Variants in CNTNAP5 observed in about 807,000 individuals in gnomAD.
CNTNAP5 encodes contactin-associated protein-like 5.
Under a neutral mutation model 150.2 loss-of-function variants are expected in CNTNAP5, and 72 were observed. That is an observed-to-expected ratio of 0.48 (90% CI 0.40 to 0.58). The LOEUF is 0.58. CNTNAP5 is among the 20% of genes least tolerant of loss of function. CNTNAP5 has a pLI of 0.00. For synonymous variants in CNTNAP5, 672 were observed against 619.8 expected (o/e 1.08, Z -1.25); for missense variants, 1,636 against 1,626.2 (o/e 1.01, Z -0.10).
chr2:124,584,297 T>C (rs1048494802), intron 11 of CNTNAP5, among the ~76,000 whole-genome samples: 1 of 152,162 alleles, frequency 6.6e-6, no homozygotes, highest in African/African-American at 2.4e-5. Flanking sequence ...TGCCTCGGTT[T>C]TCCTGCTGGT....
At chr2:124,622,714 C>G (rs1185917515) in intron 12 of CNTNAP5, among the ~76,000 whole-genome samples, 2 of 152,106 alleles carry the variant, frequency 1.3e-5, no homozygotes, top group Non-Finnish European at 2.9e-5. Flanking sequence ...TCAAAACCCA[C>G]ACACACTCAC....
intron 11 of CNTNAP5, among the ~76,000 whole-genome samples, chr2:124,564,923 G>A (rs1463555363): frequency 6.6e-6 from 1 of 152,266 alleles, no homozygotes; most frequent in Middle Eastern, 3.4e-3. Context: ...CTCTTCTGAG[G>A]ACTCCAGTGA....
At chr2:124,664,021 A>G (rs1316324320) in intron 13 of CNTNAP5, among the ~76,000 whole-genome samples, 1 of 152,154 alleles carries the variant, frequency 6.6e-6, no homozygotes, top group Non-Finnish European at 1.5e-5. Context: ...ACTGGGTCAT[A>G]TTTATTTCTG....
At chr2:124,105,652 T>G (rs1004916591) in intron 1 of CNTNAP5, among the ~76,000 whole-genome samples, 1 of 152,254 alleles carries the variant, frequency 6.6e-6, no homozygotes, top group Admixed American at 6.5e-5. Flanking sequence ...CTAGATATTA[T>G]GCATATTTTT....
chr2:124,296,804 GC>G (rs1688442335), intron 3 of CNTNAP5, among the ~76,000 whole-genome samples: 1 of 152,158 alleles, frequency 6.6e-6, no homozygotes, highest in African/African-American at 2.4e-5. Flanking sequence ...TATCCAATGT[GC>G]AAAAATAGAA....
At chr2:124,686,571 C>T (rs1442033171) in intron 13 of CNTNAP5, among the ~76,000 whole-genome samples, 1 of 152,112 alleles carries the variant, frequency 6.6e-6, no homozygotes, top group Admixed American at 6.6e-5. Flanking sequence ...ACAGTCCTTT[C>T]CCACATGACA....
intron 19 of CNTNAP5, among the ~76,000 whole-genome samples, chr2:124,831,937 A>G (rs1682724764): frequency 6.6e-6 from 1 of 152,100 alleles, no homozygotes. Flanking sequence ...GTGTTTACCT[A>G]AGTAAGAACT....
intron 21 of CNTNAP5, among the ~76,000 whole-genome samples, chr2:124,890,998 A>G (rs1678183142): frequency 6.6e-6 from 1 of 152,126 alleles, no homozygotes; most frequent in South Asian, 2.1e-4. Flanking sequence ...AATGTTCACA[A>G]AAAAAGTATG....
At chr2:124,422,399 C>G (rs993349432) in intron 4 of CNTNAP5, among the ~76,000 whole-genome samples, 1 of 152,184 alleles carries the variant, frequency 6.6e-6, no homozygotes, top group Non-Finnish European at 1.5e-5. Flanking sequence ...CATCTTGCAA[C>G]ACTCTAGGAA....
At chr2:124,764,200 G>C in intron 16 of CNTNAP5, 53 bp downstream of exon 16, 1 of 1,493,602 alleles carries the variant, frequency 6.7e-7, no homozygotes, top group Non-Finnish European at 9.3e-7. Flanking sequence ...ACAAGTTTTA[G>C]TCTTGTTTTT....
intron 13 of CNTNAP5, among the ~76,000 whole-genome samples, chr2:124,662,878 A>G (rs1678621856): frequency 2.0e-5 from 3 of 152,250 alleles, no homozygotes; most frequent in Non-Finnish European, 4.4e-5. Flanking sequence ...TATGCACTTT[A>G]CATGTTTTTT....
intron 13 of CNTNAP5, among the ~76,000 whole-genome samples, chr2:124,725,326 T>G (rs1680133088): frequency 1.3e-5 from 2 of 152,250 alleles, no homozygotes; most frequent in South Asian, 4.1e-4. Flanking sequence ...TTGACAAAAA[T>G]TGTATATATA....
At chr2:124,821,471 T>TA (rs1558789215) in intron 19 of CNTNAP5, among the ~76,000 whole-genome samples, 1 of 152,214 alleles carries the variant, frequency 6.6e-6, no homozygotes, top group Admixed American at 6.5e-5. Context: ...TAGGGCTTTT[T>TA]AAAAAAGTTT....
At chr2:124,236,165 C>T (rs574758376) in intron 2 of CNTNAP5, among the ~76,000 whole-genome samples, 1 of 152,204 alleles carries the variant, frequency 6.6e-6, no homozygotes, top group Non-Finnish European at 1.5e-5. Flanking sequence ...GGGGTTTCAC[C>T]ATGTTGGCCA....
chr2:124,509,950 T>TA, intron 8 of CNTNAP5, among the ~76,000 whole-genome samples: 1 of 152,056 alleles, frequency 6.6e-6, no homozygotes, highest in Non-Finnish European at 1.5e-5. Flanking sequence ...TATTATTAAG[T>TA]AAATAATACA....
intron 1 of CNTNAP5, among the ~76,000 whole-genome samples, chr2:124,068,694 AC>A (rs1396670090): frequency 1.3e-5 from 2 of 150,816 alleles, no homozygotes; most frequent in Non-Finnish European, 2.9e-5. Context: ...AGTGAAAGTG[AC>A]TCCTTCCTTC....
chr2:124,027,999 G>T (rs1478063860), intron 1 of CNTNAP5, among the ~76,000 whole-genome samples: 2 of 151,950 alleles, frequency 1.3e-5, no homozygotes. Context: ...TAGGACTTGG[G>T]TTTATTTTTA....
intron 19 of CNTNAP5, among the ~76,000 whole-genome samples, chr2:124,802,362 A>C (rs1215778638): frequency 3.9e-5 from 6 of 152,188 alleles, no homozygotes; most frequent in Admixed American, 2.0e-4. Flanking sequence ...TTATTCTTGA[A>C]ATTTCTCCAA....
intron 3 of CNTNAP5, among the ~76,000 whole-genome samples, chr2:124,296,815 A>G (rs1688442539): frequency 6.6e-6 from 1 of 152,198 alleles, no homozygotes; most frequent in African/African-American, 2.4e-5. Flanking sequence ...CAAAAATAGA[A>G]CAGGAAAAGG....
Sources: gnomAD v4.1 joint callset for allele counts (sites outside exome capture counted in the v4.1 genomes callset) on GRCh38, gnomAD v4.1.1 for gene constraint, MANE v1.5 for transcripts, NCBI Gene and HGNC (gene_info 2026-07-23, HGNC 2026-07-21) for gene names.